Variants in QPRT observed in about 807,000 individuals in gnomAD.
QPRT encodes nicotinate-nucleotide pyrophosphorylase [carboxylating].
A neutral mutation model predicts 19.8 loss-of-function variants in QPRT; 17 were observed. The observed-to-expected ratio is 0.86, with a 90% CI of 0.59 to 1.29. QPRT has a LOEUF of 1.29. Ranked by LOEUF, QPRT falls within the 50% of genes most tolerant of loss-of-function variation. The pLI, the probability that QPRT is intolerant of heterozygous loss-of-function variation, is 0.00. For synonymous variants in QPRT, 178 were observed against 191.0 expected (o/e 0.93, Z 0.56); for missense variants, 336 against 405.1 (o/e 0.83, Z 1.46).
chr16:29,686,982 G>A (rs1208479316), intron 1 of QPRT, among the ~76,000 whole-genome samples: 3 of 152,244 alleles, frequency 2.0e-5, no homozygotes, highest in African/African-American at 4.8e-5. Flanking sequence ...AGGCAACAGC[G>A]TGGGCAGCTC....
At chr16:29,683,335 T>C (rs114441966) in intron 1 of QPRT, among the ~76,000 whole-genome samples, 2,175 of 151,558 alleles carry the variant, frequency 0.014, 59 homozygotes, top group African/African-American at 0.05. Context: ...AGCCAATATG[T>C]GGTCTTATGA....
In QPRT at chr16:29,688,812, C is replaced by T. The variant is rs1184385694; in HGVS notation, c.14-5852C>T. On this transcript the variant is annotated intron_variant, in intron 1 of 3. Coordinates refer to ENST00000395384, the MANE Select transcript of QPRT (RefSeq NM_014298.6). Reference sequence around the variant, plus strand: ...TTTTTTTTTTTGAGACTGAGTTTCGCTCTTGTTGGCCAGGCTGGAGTGCAA... The same window carrying T: ...TTTTTTTTTTTGAGACTGAGTTTCGTTCTTGTTGGCCAGGCTGGAGTGCAA... Among the ~76,000 whole-genome samples the T allele has an allele frequency of 2.0e-5, 3 of 147,078 alleles. No homozygotes were observed. In the East Asian group the frequency reaches 6.0e-4, roughly 29 times the overall value.
chr16:29,695,074 C>T lies in QPRT; in HGVS notation c.424C>T (p.Pro142Ser). ...CGTGGCAGGCACGAGGAAGACCACG[C>T]CAGGCTTCCGGCTGGTGGAGAAGTA... is the stretch of plus-strand genomic sequence containing the variant. ...GHVAGTRKTT[P>S]GFRLVEKYGL... is the part of the protein sequence containing the mutation. Residue 142 changes from proline to serine, a missense_variant, in exon 2 of 4, where the codon CCA (proline) becomes TCA (serine). Transcript: ENST00000395384. 6.2e-7 allele frequency: 1 copy of T among 1,606,514 alleles called. No homozygotes were observed. The highest frequency in any genetic ancestry group is 8.5e-7 in the Non-Finnish European group (1 of 1,178,712).
chr16:29,697,230 C>G lies in QPRT; in HGVS notation c.713C>G (p.Ala238Gly), dbSNP rs1158978915. 1.2e-6 allele frequency: 2 copies of G among 1,613,480 alleles called. No individual in the cohort carries two copies. The highest frequency in any genetic ancestry group is 1.7e-6 in the Non-Finnish European group (2 of 1,179,660). The change falls in exon 4 of 4, where the codon GCC becomes GGC. Residue 238 changes from alanine to glycine, a missense_variant. Ala to Gly is a moderately conservative substitution (Grantham distance 60). Transcript: ENST00000395384. This position sits in a 1 kb window ranked among gnomAD's most constrained non-coding sequence, Gnocchi z 4.4. ...ELHPTATVLK[A>G]QFPSVAVEAS... is the part of the protein sequence containing the mutation. ...CACCCCACGGCCACCGTGCTGAAGG[C>G]CCAGTTCCCGAGTGTGGCTGTGGAA...
chr16:29,693,622 TG>T (rs1363375720), intron 1 of QPRT, among the ~76,000 whole-genome samples: 2 of 152,022 alleles, frequency 1.3e-5, no homozygotes, highest in East Asian at 3.8e-4. Context: ...AGTCTTGCTC[TG>T]TCACCCAGGC....
chr16:29,679,770 T>C (rs1007613632), intron 1 of QPRT, among the ~76,000 whole-genome samples: 1 of 152,074 alleles, frequency 6.6e-6, no homozygotes, highest in Non-Finnish European at 1.5e-5. Flanking sequence ...GGCCAGTTGC[T>C]AAAGTGAAGG....
chr16:29,684,821 G>C (rs1967114749), intron 1 of QPRT, among the ~76,000 whole-genome samples: 1 of 152,206 alleles, frequency 6.6e-6, no homozygotes, highest in Non-Finnish European at 1.5e-5. Context: ...AAACGCTTTG[G>C]GATTCAGCTT....
intron 1 of QPRT, among the ~76,000 whole-genome samples, chr16:29,682,211 T>TC (rs1323538613): frequency 1.3e-5 from 2 of 151,544 alleles, no homozygotes; most frequent in African/African-American, 4.9e-5. Context: ...AATAAATTTT[T>TC]TTTTTTTTTA....
chr16:29,685,395 C>T (rs1458144559), intron 1 of QPRT, among the ~76,000 whole-genome samples: 4 of 152,042 alleles, frequency 2.6e-5, no homozygotes, highest in Non-Finnish European at 5.9e-5. Context: ...CACTTGAACC[C>T]GGGAGGCAGA....
intron 1 of QPRT, among the ~76,000 whole-genome samples, chr16:29,684,102 T>G (rs1294246870): frequency 2.0e-5 from 3 of 152,138 alleles, no homozygotes; most frequent in African/African-American, 7.2e-5. Flanking sequence ...TTGTTGGACA[T>G]GCCCTGTGGG....
chr16:29,683,214 A>C (rs1308326944), intron 1 of QPRT, among the ~76,000 whole-genome samples: 1 of 151,332 alleles, frequency 6.6e-6, no homozygotes, highest in Non-Finnish European at 1.5e-5. Flanking sequence ...TTTAGTAGAG[A>C]CAGCGCTTCA....
At chr16:29,687,557 C>T (rs1440417217) in intron 1 of QPRT, among the ~76,000 whole-genome samples, 1 of 152,078 alleles carries the variant, frequency 6.6e-6, no homozygotes, top group Non-Finnish European at 1.5e-5. Context: ...ATGACCTCCT[C>T]GTGCTGTTAT....
intron 2 of QPRT, chr16:29,695,997 AC>A (rs1459074194): frequency 6.6e-6 from 1 of 152,302 alleles, no homozygotes; most frequent in Non-Finnish European, 1.5e-5. Flanking sequence ...GCAAAGGACA[AC>A]ACAGGGGAAG....
chr16:29,690,146 C>T (rs1040447254), intron 1 of QPRT, among the ~76,000 whole-genome samples: 11 of 152,274 alleles, frequency 7.2e-5, no homozygotes, highest in Admixed American at 3.3e-4. Flanking sequence ...TCTGTTCCTG[C>T]GTTTGTTTGC....
chr16:29,685,006 CCTT>C (rs1452262584), intron 1 of QPRT, among the ~76,000 whole-genome samples: 2 of 152,158 alleles, frequency 1.3e-5, no homozygotes, highest in East Asian at 1.9e-4. Flanking sequence ...TGGAATGACT[CCTT>C]CTGCCAGCTC....
intron 1 of QPRT, among the ~76,000 whole-genome samples, chr16:29,689,725 A>G (rs772353314): frequency 4.1e-4 from 63 of 152,198 alleles, no homozygotes; most frequent in Non-Finnish European, 7.5e-4. Context: ...GTTGTTATCT[A>G]TAGATTCCAG....
chr16:29,691,885 G>T (rs1040213970), intron 1 of QPRT, among the ~76,000 whole-genome samples: 1 of 152,192 alleles, frequency 6.6e-6, no homozygotes, highest in Non-Finnish European at 1.5e-5. Context: ...GGTGGGGTGA[G>T]TGAGTGGAGA....
rs1967599594 is a variant in QPRT, at chr16:29,697,921, G to C, written c.*510G>C. The C allele has an allele frequency of 6.5e-6, 1 of 152,798 alleles. No individual in the cohort carries two copies. Among genetic ancestry groups the C allele is most frequent in the Non-Finnish European group, 1.5e-5 (1 of 68,528 alleles). The allele number at this position is 152,798 out of a possible 1,614,324, so 9.5% of individuals were successfully genotyped here. The stretch of plus-strand genomic sequence containing the variant: ...GAATCGCTTGAACCCAGGAAGTGGA[G>C]GTTGCAGTGAGCTGATGGTGCCACT... On this transcript the variant is annotated 3_prime_UTR_variant, in exon 4 of 4. Transcript: ENST00000395384. This position sits in a 1 kb window ranked among gnomAD's most constrained non-coding sequence, Gnocchi z 4.4.
rs187400911 is a variant in QPRT at position 29,686,660 on chromosome 16, T to A, written c.13+7450T>A. ...ACAGGCGCTCGGCTTTTTATTTTTT[T>A]AATTTTTTTTATTTTTTGTATTTTT... On this transcript the variant is annotated intron_variant, in intron 1 of 3. Transcript: ENST00000395384. Among the ~76,000 whole-genome samples the A allele has an allele frequency of 5.9e-5, 9 of 152,240 alleles. No individual in the cohort carries two copies. The East Asian group carries it at 1.5e-3, about 26-fold the overall frequency.
Sources: gnomAD v4.1 joint callset for allele counts (sites outside exome capture counted in the v4.1 genomes callset) on GRCh38, gnomAD v4.1.1 for gene constraint, Gnocchi (gnomAD v3.1) non-coding constraint, MANE v1.5 for transcripts, NCBI Gene and HGNC (gene_info 2026-07-23, HGNC 2026-07-21) for gene names.